CDCP1: variants seen among roughly 807,000 people sequenced by gnomAD.
The protein encoded by CDCP1 is CUB domain containing protein 1.
Under a neutral mutation model 60.2 loss-of-function variants are expected in CDCP1, and 29 were observed. The ratio of observed to expected loss-of-function variants is 0.48; its 90% CI spans 0.36 to 0.66. The LOEUF (loss-of-function observed/expected upper bound fraction) is 0.66. Among genes scored for constraint, CDCP1 ranks in the 30% least tolerant of loss-of-function variants. The pLI, the probability that CDCP1 is intolerant of heterozygous loss-of-function variation, is 0.00. For synonymous variants in CDCP1, 387 were observed against 431.1 expected (o/e 0.90, Z 1.27); for missense variants, 876 against 1,074.3 (o/e 0.82, Z 2.58).
At chr3:45,125,215 G>A (rs980743290) in intron 1 of CDCP1, among the ~76,000 whole-genome samples, 2 of 152,218 alleles carry the variant, frequency 1.3e-5, no homozygotes, top group Admixed American at 6.5e-5. Flanking sequence ...GCCACTCTGG[G>A]GAGTTTGATT....
intron 1 of CDCP1, among the ~76,000 whole-genome samples, chr3:45,126,617 T>G (rs900043708): frequency 1.4e-4 from 22 of 152,106 alleles, no homozygotes; most frequent in African/African-American, 5.3e-4. Flanking sequence ...CTGGAAATAG[T>G]TCATTTCCAC....
At chr3:45,089,327 T>C (rs1159308901) in intron 7 of CDCP1, among the ~76,000 whole-genome samples, 186 bp from the exon 8 acceptor site, 3 of 152,172 alleles carry the variant, frequency 2.0e-5, no homozygotes, top group Non-Finnish European at 4.4e-5. Flanking sequence ...TGGATCTGGG[T>C]CAGCCAATAT....
intron 1 of CDCP1, among the ~76,000 whole-genome samples, chr3:45,129,933 G>C (rs886179252): frequency 2.0e-5 from 3 of 152,012 alleles, no homozygotes; most frequent in African/African-American, 7.3e-5. Context: ...TTGTATGTCA[G>C]AATAGTGAAC....
intron 4 of CDCP1, among the ~76,000 whole-genome samples, chr3:45,105,819 T>C (rs1698555110): frequency 6.6e-6 from 1 of 152,104 alleles, no homozygotes; most frequent in African/African-American, 2.4e-5. Flanking sequence ...GGTAATAACA[T>C]CAGGCATGAC....
At chr3:45,134,144 CTTT>C (rs1162981430) in intron 1 of CDCP1, among the ~76,000 whole-genome samples, 1 of 150,900 alleles carries the variant, frequency 6.6e-6, no homozygotes, top group African/African-American at 2.5e-5. Flanking sequence ...AGATCTACTT[CTTT>C]CTTTTTTTTT....
chr3:45,109,478 C>T (rs1399941002), intron 4 of CDCP1, among the ~76,000 whole-genome samples: 3 of 152,110 alleles, frequency 2.0e-5, no homozygotes, highest in Admixed American at 6.5e-5. Flanking sequence ...AGAATCAGCC[C>T]TCTGAACAGC....
chr3:45,130,457 T>G (rs1699071417), intron 1 of CDCP1, among the ~76,000 whole-genome samples: 1 of 152,130 alleles, frequency 6.6e-6, no homozygotes, highest in Non-Finnish European at 1.5e-5. Flanking sequence ...AAACCATTGC[T>G]AGCTATGTGA....
chr3:45,107,849 G>A (rs1160670096), intron 4 of CDCP1, among the ~76,000 whole-genome samples: 1 of 152,094 alleles, frequency 6.6e-6, no homozygotes, highest in Non-Finnish European at 1.5e-5. Context: ...GGGAGTGGTG[G>A]CTCACACCTG....
intron 8 of CDCP1, 74 bp from the exon 9 acceptor site, chr3:45,086,141 G>T: frequency 7.6e-7 from 1 of 1,316,336 alleles, no homozygotes; most frequent in Non-Finnish European, 1.1e-6. Context: ...CTATGGCCCT[G>T]CTAGAGCTTG....
At chr3:45,132,649 C>G (rs1262034172) in intron 1 of CDCP1, among the ~76,000 whole-genome samples, 3 of 152,230 alleles carry the variant, frequency 2.0e-5, no homozygotes, top group Non-Finnish European at 2.9e-5. Context: ...CCTGACCTCT[C>G]TGAACCATAA....
chr3:45,092,911 T>C (rs545905341), intron 6 of CDCP1, among the ~76,000 whole-genome samples: 6 of 152,326 alleles, frequency 3.9e-5, no homozygotes. Flanking sequence ...GTCATAAAAA[T>C]GTCTGCCTAA....
At chr3:45,132,185 G>C (rs189510672) in intron 1 of CDCP1, among the ~76,000 whole-genome samples, 42 of 150,498 alleles carry the variant, frequency 2.8e-4, no homozygotes, top group Middle Eastern at 3.4e-3. Flanking sequence ...GCAGTGAGCT[G>C]AGATCACACC....
At chr3:45,094,943 T>G (rs1205190407) in intron 5 of CDCP1, among the ~76,000 whole-genome samples, 7 of 129,682 alleles carry the variant, frequency 5.4e-5, no homozygotes, top group South Asian at 2.4e-4. Flanking sequence ...GTGGGTGGGG[T>G]TTTTTTTTTT....
chr3:45,090,671 C>T (rs577357636), intron 7 of CDCP1, among the ~76,000 whole-genome samples: 26 of 152,126 alleles, frequency 1.7e-4, no homozygotes, highest in Admixed American at 3.3e-4. Context: ...AGAATGCAGT[C>T]GAAGGGATGG....
At chr3:45,132,043 G>A (rs1699106359) in intron 1 of CDCP1, among the ~76,000 whole-genome samples, 1 of 151,714 alleles carries the variant, frequency 6.6e-6, no homozygotes, top group Non-Finnish European at 1.5e-5. Context: ...AGACCAGCCT[G>A]GCCAACACGG....
Position 45,085,773 on chromosome 3 carries a change from C to T in CDCP1, c.2376G>A (p.Glu792=), listed in dbSNP as rs1698179119. ...ACTCAGGAGGGGAGCGAGGAGGTGG[C>T]TCCTCAGTGGCCAACTTTGCAGTTG... ...RAPTAKLATE[E]PPPRSPPESE... The change falls in exon 9 of 9, where the codon GAG becomes GAA. Residue 792 remains glutamate, a synonymous_variant. Coordinates refer to ENST00000296129, the MANE Select transcript of CDCP1 (RefSeq NM_022842.5). The surrounding 1 kb of genome is among the most constrained non-coding windows in gnomAD (Gnocchi z 4.2). The T allele has an allele frequency of 6.2e-7, 1 of 1,614,122 alleles. No individual in the cohort carries two copies. Among genetic ancestry groups the T allele is most frequent in the East Asian group, 2.2e-5 (1 of 44,872 alleles).
intron 1 of CDCP1, among the ~76,000 whole-genome samples, chr3:45,145,273 A>G (rs1333385104): frequency 6.6e-6 from 1 of 152,128 alleles, no homozygotes; most frequent in Non-Finnish European, 1.5e-5. Flanking sequence ...TCAAACCCAC[A>G]TGGCTTCCTG....
intron 4 of CDCP1, chr3:45,110,139 G>A (rs1482737390): frequency 9.6e-6 from 10 of 1,047,028 alleles, no homozygotes; most frequent in Non-Finnish European, 1.2e-5. Context: ...CATCATCATC[G>A]CTGATGGTGC....
intron 1 of CDCP1, among the ~76,000 whole-genome samples, chr3:45,124,349 G>A (rs889435755): frequency 6.6e-6 from 1 of 152,216 alleles, no homozygotes; most frequent in East Asian, 1.9e-4. Flanking sequence ...ATTGGAACAA[G>A]TTGCCTCAAT....
Sources: gnomAD v4.1 joint callset for allele counts (sites outside exome capture counted in the v4.1 genomes callset) on GRCh38, gnomAD v4.1.1 for gene constraint, Gnocchi (gnomAD v3.1) non-coding constraint, MANE v1.5 for transcripts, NCBI Gene and HGNC (gene_info 2026-07-23, HGNC 2026-07-21) for gene names.